The following TENM3 variants were observed in gnomAD, a reference collection of about 807,000 sequenced individuals.
TENM3 encodes the protein teneurin-3.
TENM3 carries 63 observed loss-of-function variants against 255.1 expected under a neutral mutation model. That is an observed-to-expected ratio of 0.25 (90% CI 0.20 to 0.30). The LOEUF is 0.30. Ranked by LOEUF, TENM3 falls within the 10% of genes least tolerant of loss-of-function variation. TENM3 has a pLI of 1.00. For synonymous variants in TENM3, 1,306 were observed against 1,322.3 expected, an observed-to-expected ratio of 0.99 and a Z score of 0.27; for missense variants, 2,929 against 3,461.1, an observed-to-expected ratio of 0.85 and a Z score of 3.86.
At chr4:182,074,835 A>C in the TENM3 span, among the ~76,000 whole-genome samples, 2 of 152,242 alleles carry the variant, frequency 1.3e-5, no homozygotes, top group African/African-American at 2.4e-5. Flanking sequence ...CGTGGTGCTT[A>C]AAAATGAAGG....
chr4:181,731,406 T>A, the TENM3 span, among the ~76,000 whole-genome samples: 2 of 152,110 alleles, frequency 1.3e-5, no homozygotes, highest in Non-Finnish European at 2.9e-5. Flanking sequence ...CGGGCTGGAG[T>A]GCAGTGGTGA....
At chr4:182,258,738 T>G (rs1322046535) in intron 1 of TENM3, among the ~76,000 whole-genome samples, 1 of 152,162 alleles carries the variant, frequency 6.6e-6, no homozygotes, top group Non-Finnish European at 1.5e-5. Flanking sequence ...ATCATTTTTG[T>G]AAGAGACCAT....
intron 3 of TENM3, among the ~76,000 whole-genome samples, chr4:182,361,064 G>A (rs1024274596): frequency 6.0e-4 from 91 of 152,250 alleles, no homozygotes; most frequent in Admixed American, 9.8e-4. Context: ...TTCTCTTCTG[G>A]CTTGTAGAGT....
At chr4:182,676,304 A>G (rs1453676088) in intron 7 of TENM3, among the ~76,000 whole-genome samples, 2 of 152,212 alleles carry the variant, frequency 1.3e-5, no homozygotes, top group African/African-American at 4.8e-5. Flanking sequence ...GCAGAGCCTT[A>G]TGGTGAAGTA....
At chr4:182,284,024 A>G (rs745619688) in intron 1 of TENM3, among the ~76,000 whole-genome samples, 4 of 152,236 alleles carry the variant, frequency 2.6e-5, no homozygotes, top group Non-Finnish European at 5.9e-5. Context: ...CTGCCTAAAG[A>G]AAGTGTTTAT....
At chr4:181,509,090 G>T in the TENM3 span, among the ~76,000 whole-genome samples, 1 of 151,882 alleles carries the variant, frequency 6.6e-6, no homozygotes, top group African/African-American at 2.4e-5. Context: ...TGCAACCCGA[G>T]ATCATAGGGA....
intron 1 of TENM3, among the ~76,000 whole-genome samples, chr4:182,310,852 G>A (rs1052230642): frequency 3.9e-5 from 6 of 152,090 alleles, no homozygotes; most frequent in Admixed American, 6.6e-5. Flanking sequence ...GACTACAGGC[G>A]TGTGTCACCA....
intron 3 of TENM3, among the ~76,000 whole-genome samples, chr4:182,441,135 T>C (rs1250191081): frequency 2.0e-5 from 3 of 152,044 alleles, no homozygotes; most frequent in African/African-American, 7.2e-5. Flanking sequence ...TCTGGGAGGG[T>C]ATCACAAAAT....
the TENM3 span, among the ~76,000 whole-genome samples, chr4:181,524,921 C>A: frequency 6.6e-6 from 1 of 152,070 alleles, no homozygotes; most frequent in Non-Finnish European, 1.5e-5. Flanking sequence ...TTGTGGTTTG[C>A]CAAGCTTTAA....
At chr4:181,684,046 C>T in the TENM3 span, among the ~76,000 whole-genome samples, 3 of 152,298 alleles carry the variant, frequency 2.0e-5, no homozygotes, top group African/African-American at 4.8e-5. Flanking sequence ...GGGAGAAGGA[C>T]GGCTCTGGGA....
At chr4:181,922,995 C>T in the TENM3 span, among the ~76,000 whole-genome samples, 14 of 152,210 alleles carry the variant, frequency 9.2e-5, no homozygotes, top group Admixed American at 9.2e-4. Flanking sequence ...GTTATGTACC[C>T]AGTAGTCATT....
chr4:182,304,120 T>TA lies in TENM3; in HGVS notation c.-75-19815dup, dbSNP rs565830665. Among the ~76,000 whole-genome samples, 1,375 of 142,786 alleles carry TA rather than the reference T, an allele frequency of 9.6e-3. 18 individuals carry two copies. Among genetic ancestry groups the TA allele is most frequent in the African/African-American group, 0.033 (1,290 of 39,216 alleles). The allele number at this position is 142,786 out of a possible 152,430, so 93.7% of individuals were successfully genotyped here. ...ATGAAGACTATAGGGGATTGGCAAG[T>TA]AAAAAAAAAAAGAAGTCAAAGAAAA... On this transcript the variant is annotated intron_variant, in intron 1 of 27. Transcript: ENST00000511685.
At chr4:182,609,508 A>G (rs1272895566) in intron 4 of TENM3, among the ~76,000 whole-genome samples, 1 of 152,184 alleles carries the variant, frequency 6.6e-6, no homozygotes, top group Non-Finnish European at 1.5e-5. Context: ...TTAACCAACT[A>G]AACTTAATCA....
At chr4:182,328,122 G>A (rs147858544) in intron 2 of TENM3, among the ~76,000 whole-genome samples, 2 of 152,322 alleles carry the variant, frequency 1.3e-5, no homozygotes, top group Non-Finnish European at 2.9e-5. Flanking sequence ...AATAATCAGT[G>A]TTGGGGTTGT....
At chr4:182,257,753 A>C (rs1240582791) in intron 1 of TENM3, among the ~76,000 whole-genome samples, 1 of 152,144 alleles carries the variant, frequency 6.6e-6, no homozygotes, top group African/African-American at 2.4e-5. Context: ...CATTTTACTG[A>C]AGAGAAATGT....
At chr4:181,504,988 A>G in the TENM3 span, among the ~76,000 whole-genome samples, 1 of 152,198 alleles carries the variant, frequency 6.6e-6, no homozygotes, top group African/African-American at 2.4e-5. Flanking sequence ...GAACACACTG[A>G]TTCGACTCCA....
the TENM3 span, among the ~76,000 whole-genome samples, chr4:182,033,294 C>T: frequency 2.0e-4 from 30 of 152,138 alleles, no homozygotes; most frequent in African/African-American, 6.0e-4. Context: ...CTTAATTTTG[C>T]TATTTACCCA....
At chr4:182,581,465 C>T (rs1249556477) in intron 3 of TENM3, among the ~76,000 whole-genome samples, 1 of 152,122 alleles carries the variant, frequency 6.6e-6, no homozygotes, top group African/African-American at 2.4e-5. Context: ...AGGCCGGGTG[C>T]AGTGACTCAC....
intron 3 of TENM3, among the ~76,000 whole-genome samples, chr4:182,527,931 T>C (rs1739383882): frequency 6.6e-6 from 1 of 152,150 alleles, no homozygotes; most frequent in Non-Finnish European, 1.5e-5. Context: ...TTTCACCATG[T>C]TGGCCAGGAT....
Sources: gnomAD v4.1 joint callset for allele counts (sites outside exome capture counted in the v4.1 genomes callset) on GRCh38, gnomAD v4.1.1 for gene constraint, MANE v1.5 for transcripts, NCBI Gene and HGNC (gene_info 2026-07-23, HGNC 2026-07-21) for gene names.